HCN4: variants seen among roughly 807,000 people sequenced by gnomAD.
HCN4 encodes potassium/sodium hyperpolarization-activated cyclic nucleotide-gated channel 4.
A neutral mutation model predicts 76.9 loss-of-function variants in HCN4; 29 were observed. The ratio of observed to expected loss-of-function variants is 0.38; its 90% CI spans 0.28 to 0.51. The LOEUF is 0.51. Among genes scored for constraint, HCN4 ranks in the 20% least tolerant of loss-of-function variants. The probability of loss-of-function intolerance (pLI) is 0.90; values close to 1 mark genes in which losing one functional copy is unlikely to be tolerated. For missense variants in HCN4, 1,416 were observed against 1,715.2 expected (o/e 0.83, Z 3.08); for synonymous variants, 772 against 762.5 (o/e 1.01, Z -0.21).
At chr15:73,363,366 C>T (rs188693817) in intron 1 of HCN4, among the ~76,000 whole-genome samples, 2 of 152,320 alleles carry the variant, frequency 1.3e-5, no homozygotes, top group East Asian at 1.9e-4. Context: ...CCTTTCCCCC[C>T]TCAGGCATCT....
chr15:73,344,530 G>T (rs2043021630), intron 1 of HCN4, among the ~76,000 whole-genome samples: 1 of 152,132 alleles, frequency 6.6e-6, no homozygotes, highest in African/African-American at 2.4e-5. Flanking sequence ...ATCCTAACAT[G>T]GGGGTGTGGA....
intron 4 of HCN4, among the ~76,000 whole-genome samples, chr15:73,327,319 C>G (rs1265253555): frequency 6.6e-6 from 1 of 151,926 alleles, no homozygotes; most frequent in African/African-American, 2.4e-5. Flanking sequence ...CCATGTTGGC[C>G]AGGCTGGTCA....
intron 1 of HCN4, among the ~76,000 whole-genome samples, chr15:73,357,216 G>A (rs912794622): frequency 3.3e-5 from 5 of 152,274 alleles, no homozygotes; most frequent in African/African-American, 1.2e-4. Flanking sequence ...ACTCAGAGAG[G>A]TGAGGCCTCA....
At chr15:73,366,218 A>G (rs1567800572) in intron 1 of HCN4, among the ~76,000 whole-genome samples, 1 of 152,176 alleles carries the variant, frequency 6.6e-6, no homozygotes, top group Non-Finnish European at 1.5e-5. Context: ...ACCTATTTTA[A>G]GCCACCGAGT....
At chr15:73,352,699 GC>G (rs1423564137) in intron 1 of HCN4, among the ~76,000 whole-genome samples, 1 of 152,066 alleles carries the variant, frequency 6.6e-6, no homozygotes, top group African/African-American at 2.4e-5. Context: ...CACCCCCTTG[GC>G]CCTCCTCTAC....
At chr15:73,353,965 A>AC (rs2043066538) in intron 1 of HCN4, among the ~76,000 whole-genome samples, 1 of 150,096 alleles carries the variant, frequency 6.7e-6, no homozygotes, top group East Asian at 2.0e-4. Context: ...TCTTCCTCCC[A>AC]CCCCCGCCTG....
chr15:73,360,281 G>T (rs1431677438), intron 1 of HCN4, among the ~76,000 whole-genome samples: 1 of 152,202 alleles, frequency 6.6e-6, no homozygotes, highest in African/African-American at 2.4e-5. Flanking sequence ...GAAGGCCTTT[G>T]CAGACAAGAC....
Position 73,322,701 on chromosome 15 carries a change from C to T in HCN4, c.3392G>A (p.Ser1131Asn), listed in dbSNP as rs1249032163. 4 of 1,574,382 alleles carry T rather than the reference C, an allele frequency of 2.5e-6. No homozygotes were observed. The highest frequency in any genetic ancestry group is 4.7e-5 in the East Asian group (2 of 42,940). ...RAGGGSGGSG[S>N]SGGLGPPGRP... ...CCCAGGGGGACCGAGGCCCCCGCTG[C>T]TCCCACTGCCCCCGCTGCCACCCCC... Residue 1131 changes from serine to asparagine, a missense_variant, in exon 8 of 8, where the codon AGC becomes AAC. Coordinates refer to ENST00000261917, the MANE Select transcript of HCN4 (RefSeq NM_005477.3).
intron 1 of HCN4, among the ~76,000 whole-genome samples, chr15:73,349,054 C>A (rs766067280): frequency 3.3e-5 from 5 of 151,372 alleles, no homozygotes; most frequent in Non-Finnish European, 7.4e-5. Flanking sequence ...TACAGCAACA[C>A]CCCCAGCAGT....
intron 2 of HCN4, among the ~76,000 whole-genome samples, chr15:73,337,235 TCTCA>T (rs970415145): frequency 1.3e-5 from 2 of 152,224 alleles, no homozygotes; most frequent in African/African-American, 2.4e-5. Context: ...TTCCTGGAGT[TCTCA>T]CTATCTGAAA....
chr15:73,351,699 C>G (rs868537642), intron 1 of HCN4, among the ~76,000 whole-genome samples: 1 of 152,210 alleles, frequency 6.6e-6, no homozygotes, highest in Admixed American at 6.5e-5. Context: ...CTCCAATCGA[C>G]TCTCCACACT....
At chr15:73,341,150 T>A (rs1236202839) in intron 2 of HCN4, 1 of 151,562 alleles carries the variant, frequency 6.6e-6, no homozygotes, top group Non-Finnish European at 1.5e-5. Flanking sequence ...ATTTATTTAT[T>A]TTTTTGAGAC....
At chr15:73,352,767 C>T (rs1229674496) in intron 1 of HCN4, among the ~76,000 whole-genome samples, 2 of 152,192 alleles carry the variant, frequency 1.3e-5, no homozygotes, top group Non-Finnish European at 1.5e-5. Context: ...ATAGGCCTAG[C>T]AGTGAGACTC....
chr15:73,353,003 C>CGG (rs1555477964), intron 1 of HCN4, among the ~76,000 whole-genome samples: 1 of 146,792 alleles, frequency 6.8e-6, no homozygotes, highest in African/African-American at 2.6e-5. Context: ...GATGGATGGA[C>CGG]AGATGGATGG....
At chr15:73,334,481 C>T (rs1175161793) in intron 2 of HCN4, among the ~76,000 whole-genome samples, 1 of 152,084 alleles carries the variant, frequency 6.6e-6, no homozygotes, top group Non-Finnish European at 1.5e-5. Flanking sequence ...TTAATTAACA[C>T]TTAGGTGAAT....
In HCN4 at chr15:73,357,981, G is replaced by C. The variant is rs193111996; in HGVS notation, c.785+9505C>G. 1.6e-3 allele frequency among the ~76,000 whole-genome samples: 239 copies of C among 152,308 alleles called. 1 individual carries two copies. The highest frequency in any genetic ancestry group is 0.014 in the Admixed American group (217 of 15,308). ...GGCTCTATTTGTGCTAATGGGGTCA[G>C]GATTCAGGGCTCAATACCTATTTGG... On this transcript the variant is annotated intron_variant, in intron 1 of 7. Coordinates refer to ENST00000261917, the MANE Select transcript of HCN4 (RefSeq NM_005477.3).
chr15:73,339,104 G>T (rs1354262880), intron 2 of HCN4, among the ~76,000 whole-genome samples: 1 of 152,224 alleles, frequency 6.6e-6, no homozygotes, highest in African/African-American at 2.4e-5. Context: ...TCTGGGATGG[G>T]TCACTGGAGT....
rs1336819187 is a variant in HCN4 at position 73,322,585 on chromosome 15, C to T, written c.3508G>A (p.Ala1170Thr). ...SLPPPLSLFG[A>T]RATSSGGPPL... Reference sequence around the variant, plus strand: ...GGCCCCCCAGAAGAGGTGGCTCTTGCCCCAAACAAAGACAGAGGGGGTGGC... The same window carrying T: ...GGCCCCCCAGAAGAGGTGGCTCTTGTCCCAAACAAAGACAGAGGGGGTGGC... Residue 1170 changes from alanine to threonine, a missense_variant, in exon 8 of 8, where the codon GCA becomes ACA. Physicochemically the swap from Ala to Thr is moderately conservative, Grantham distance 58. Transcript: ENST00000261917. 2 of 1,610,206 alleles carry T rather than the reference C, an allele frequency of 1.2e-6. No individual in the cohort carries two copies. Among genetic ancestry groups the T allele is most frequent in the South Asian group, 1.1e-5 (1 of 90,298 alleles).
intron 1 of HCN4, among the ~76,000 whole-genome samples, chr15:73,366,109 C>T (rs1338131507): frequency 6.6e-6 from 1 of 152,170 alleles, no homozygotes; most frequent in East Asian, 1.9e-4. Context: ...AGCCTGCCCT[C>T]TGGTCTCCCT....
Sources: allele counts gnomAD v4.1 joint callset (sites outside exome capture counted in the v4.1 genomes callset), GRCh38; gene constraint gnomAD v4.1.1; transcripts MANE v1.5; gene names NCBI Gene and HGNC (gene_info 2026-07-23, HGNC 2026-07-21).